Variants in CTBP2 observed in about 807,000 individuals in gnomAD.
The protein encoded by CTBP2 is C-terminal binding protein 2.
CTBP2 carries 30 observed loss-of-function variants against 80.3 expected under a neutral mutation model. The observed-to-expected ratio is 0.37, with a 90% CI of 0.28 to 0.51. The LOEUF is 0.51. CTBP2 is among the 20% of genes least tolerant of loss of function. The pLI is 0.93. For missense variants in CTBP2, 1,212 were observed against 1,375.3 expected, an observed-to-expected ratio of 0.88 and a Z score of 1.88; for synonymous variants, 594 against 587.4, an observed-to-expected ratio of 1.01 and a Z score of -0.16.
intron 2 of CTBP2, among the ~76,000 whole-genome samples, chr10:125,039,790 A>G (rs1053124320): frequency 2.0e-5 from 3 of 152,210 alleles, no homozygotes; most frequent in Non-Finnish European, 4.4e-5. Flanking sequence ...CGCAGTCAGC[A>G]CCAGCAAGGG....
At chr10:125,086,854 A>G (rs1410748419) in intron 2 of CTBP2, among the ~76,000 whole-genome samples, 1 of 152,096 alleles carries the variant, frequency 6.6e-6, no homozygotes, top group Non-Finnish European at 1.5e-5. Context: ...GACACTGAGA[A>G]AGCCAGGCCC....
At chr10:125,115,319 C>T (rs527361861) in intron 1 of CTBP2, among the ~76,000 whole-genome samples, 5 of 152,316 alleles carry the variant, frequency 3.3e-5, no homozygotes, top group Admixed American at 2.6e-4. Flanking sequence ...GCACCGTTCA[C>T]GTTTACTGCT....
At chr10:125,065,614 C>T (rs1013918741) in intron 2 of CTBP2, among the ~76,000 whole-genome samples, 2 of 152,080 alleles carry the variant, frequency 1.3e-5, no homozygotes, top group African/African-American at 2.4e-5. Flanking sequence ...CTAAGGGGGC[C>T]GGAGGGAGAA....
intron 2 of CTBP2, among the ~76,000 whole-genome samples, chr10:125,081,376 T>C (rs920768684): frequency 6.6e-5 from 10 of 152,212 alleles, no homozygotes; most frequent in African/African-American, 2.4e-4. Flanking sequence ...TAGATATGAT[T>C]ATCAATGTTA....
intron 2 of CTBP2, among the ~76,000 whole-genome samples, chr10:125,042,925 G>C (rs949753471): frequency 2.6e-5 from 4 of 152,132 alleles, no homozygotes; most frequent in African/African-American, 9.7e-5. Context: ...GGAAAGTTAC[G>C]GGTATCACAG....
At chr10:125,130,817 G>C (rs761959935) in intron 1 of CTBP2, among the ~76,000 whole-genome samples, 3 of 152,144 alleles carry the variant, frequency 2.0e-5, no homozygotes, top group Non-Finnish European at 2.9e-5. Flanking sequence ...GATCTGAACA[G>C]GTTCTAGAAA....
intron 2 of CTBP2, among the ~76,000 whole-genome samples, chr10:125,110,640 T>C (rs927134105): frequency 6.6e-6 from 1 of 152,242 alleles, no homozygotes; most frequent in African/African-American, 2.4e-5. Context: ...AATTCATTTT[T>C]ATTCTTTTTA....
chr10:124,994,397 T>A, intron 5 of CTBP2, 72 bp downstream of exon 7: 1 of 1,466,810 alleles, frequency 6.8e-7, no homozygotes, highest in African/African-American at 1.4e-5. Flanking sequence ...GCCCTCCGTG[T>A]CCCTCTTGTG....
intron 2 of CTBP2, among the ~76,000 whole-genome samples, chr10:125,063,422 C>T (rs1018020415): frequency 1.3e-5 from 2 of 152,164 alleles, no homozygotes; most frequent in African/African-American, 4.8e-5. Flanking sequence ...ACGTGAGGAA[C>T]CAACAAAAGC....
intron 1 of CTBP2, chr10:125,005,517 G>C: frequency 6.3e-7 from 1 of 1,581,890 alleles, no homozygotes; most frequent in Non-Finnish European, 8.6e-7. Context: ...AATAAGGCAG[G>C]GACGAGGGCC....
At chr10:125,161,187 G>C (rs1183239209), upstream of CTBP2, 1 of 151,990 alleles carries the variant, frequency 6.6e-6, no homozygotes, top group East Asian at 2.0e-4. Flanking sequence ...GGGATTAGTG[G>C]CTCCGCGAAA....
intron 2 of CTBP2, among the ~76,000 whole-genome samples, chr10:125,083,918 TA>T (rs1847573837): frequency 1.3e-5 from 2 of 152,188 alleles, no homozygotes; most frequent in African/African-American, 4.8e-5. Context: ...TAGCTGGGAT[TA>T]GAGGCATGCG....
intron 2 of CTBP2, among the ~76,000 whole-genome samples, chr10:125,073,801 C>A (rs555217385): frequency 6.6e-6 from 1 of 152,282 alleles, no homozygotes; most frequent in Non-Finnish European, 1.5e-5. Context: ...CTGCGTGCTG[C>A]CCCCCGGAAA....
At chr10:125,000,254 AC>A (rs11294512) in intron 3 of CTBP2, 140,906 of 151,806 alleles carry the variant, frequency 0.93, 65,625 homozygotes, top group Non-Finnish European at 0.97. Flanking sequence ...AACCTCCATA[AC>A]CCTCACCGCT....
intron 1 of CTBP2, among the ~76,000 whole-genome samples, chr10:125,114,509 A>G (rs7899696): frequency 0.13 from 20,233 of 151,978 alleles, 2,283 homozygotes; most frequent in African/African-American, 0.3. Flanking sequence ...GTACCTAGAC[A>G]GGACCCCCTA....
chr10:125,108,335 T>C (rs759141448), intron 2 of CTBP2, among the ~76,000 whole-genome samples: 2 of 152,234 alleles, frequency 1.3e-5, no homozygotes, highest in African/African-American at 4.8e-5. Context: ...AAGAAAATAC[T>C]AAGAGGGCAA....
In CTBP2 at chr10:125,125,424, GGT is replaced by G. The variant is rs567559385; in HGVS notation, c.-205-14333_-205-14332del. On this transcript the variant is annotated intron_variant, in intron 1 of 10. Transcript: ENST00000337195. ...AGGAAAGCAAACCTTGTCAATATCCGGTGTTTGGGAATCTCTGAAGACAACAG... is the reference window on the plus strand; with the variant it reads ...AGGAAAGCAAACCTTGTCAATATCCGGTTTGGGAATCTCTGAAGACAACAG... 5.2e-3 allele frequency among the ~76,000 whole-genome samples: 785 copies of G among 152,230 alleles called. 8 individuals are homozygous for G. The highest frequency in any genetic ancestry group is 0.018 in the African/African-American group (745 of 41,544).
In CTBP2 at chr10:124,986,233, T is replaced by TTAG. The variant is rs1952031014; in HGVS notation, c.*3284_*3285insCTA. Reference sequence around the variant, plus strand: ...AATATTTGGTGTCCTGATAAGCACTTTCTAGACTATTGATGTGGCCAGGAA... The same window carrying TTAG: ...AATATTTGGTGTCCTGATAAGCACTTTAGTCTAGACTATTGATGTGGCCAGGAA... On this transcript the variant is annotated 3_prime_UTR_variant, in exon 9 of 9. Coordinates refer to ENST00000309035, the MANE Select transcript of CTBP2 (RefSeq NM_022802.3). 6.6e-6 allele frequency: 1 copy of TTAG among 151,492 alleles called. No homozygotes were observed. The highest frequency in any genetic ancestry group is 1.5e-5 in the Non-Finnish European group (1 of 67,760). The allele number at this position is 151,492 out of a possible 1,614,324, so 9.4% of individuals were successfully genotyped here. A position where few individuals can be genotyped will look rare whatever the true frequency, so the allele number is the denominator to read the frequency against.
At chr10:125,060,704 G>C (rs1195031670) in intron 2 of CTBP2, among the ~76,000 whole-genome samples, 2 of 152,238 alleles carry the variant, frequency 1.3e-5, no homozygotes, top group Non-Finnish European at 1.5e-5. Context: ...CCATGACCAG[G>C]AGAGAGGGGA....
Sources: gnomAD v4.1 joint callset for allele counts (sites outside exome capture counted in the v4.1 genomes callset) on GRCh38, gnomAD v4.1.1 for gene constraint, MANE v1.5 for transcripts, NCBI Gene and HGNC (gene_info 2026-07-23, HGNC 2026-07-21) for gene names.